The following CNTN5 variants were observed in gnomAD, a reference collection of about 807,000 sequenced individuals.
The protein encoded by CNTN5 is contactin 5, also known as contactin-5.
A neutral mutation model predicts 129.1 loss-of-function variants in CNTN5; 77 were observed. The observed-to-expected ratio is 0.60, with a 90% confidence interval of 0.50 to 0.72. The LOEUF (loss-of-function observed/expected upper bound fraction) is 0.72. Ranked by LOEUF, CNTN5 falls within the 30% of genes least tolerant of loss-of-function variation. The pLI is 0.00. For missense variants in CNTN5, 1,478 were observed against 1,328.8 expected, an observed-to-expected ratio of 1.11 and a Z score of -1.75; for synonymous variants, 509 against 465.6, an observed-to-expected ratio of 1.09 and a Z score of -1.20.
chr11:99,545,866 T>G (rs1948274214), intron 2 of CNTN5, among the ~76,000 whole-genome samples: 1 of 152,190 alleles, frequency 6.6e-6, no homozygotes, highest in African/African-American at 2.4e-5. Flanking sequence ...TGTGAGACAT[T>G]CTCTCCCTGC....
intron 7 of CNTN5, among the ~76,000 whole-genome samples, chr11:99,919,543 T>C (rs1209189514): frequency 6.6e-6 from 1 of 152,172 alleles, no homozygotes; most frequent in East Asian, 1.9e-4. Context: ...AGTCTGTGTG[T>C]TTCTCTCTCT....
intron 2 of CNTN5, among the ~76,000 whole-genome samples, chr11:99,533,329 C>A (rs1299699271): frequency 6.6e-6 from 1 of 152,222 alleles, no homozygotes; most frequent in East Asian, 1.9e-4. Flanking sequence ...CCCTTCCCCA[C>A]CTTTCCTGAT....
chr11:99,433,371 ATGTGT>A (rs761695374), intron 2 of CNTN5, among the ~76,000 whole-genome samples: 24,927 of 140,878 alleles, frequency 0.18, 2,414 homozygotes, highest in Admixed American at 0.23. Flanking sequence ...TAAAAAAAAA[ATGTGT>A]GTGTGTGTGT....
chr11:100,045,742 G>A (rs1342164386), intron 9 of CNTN5, among the ~76,000 whole-genome samples: 1 of 149,158 alleles, frequency 6.7e-6, no homozygotes, highest in African/African-American at 2.5e-5. Context: ...AAAGAGTTCT[G>A]CTAGAAATCT....
chr11:99,822,154 T>C lies in CNTN5; in HGVS notation c.277+2389T>C, dbSNP rs141806875. 2.1e-3 allele frequency among the ~76,000 whole-genome samples: 326 copies of C among 152,260 alleles called. 1 individual carries two copies. Among genetic ancestry groups the C allele is most frequent in the African/African-American group, 7.6e-3 (316 of 41,576 alleles). Reference sequence around the variant, plus strand: ...CCTGAATAGAAAGTCATCCCACTCCTGTTCAGAGTTAAGCCAAGAAGTACC... The same window carrying C: ...CCTGAATAGAAAGTCATCCCACTCCCGTTCAGAGTTAAGCCAAGAAGTACC... On this transcript the variant is annotated intron_variant, in intron 4 of 24. Transcript: ENST00000524871.
chr11:99,718,169 CTCTT>C (rs1811004999), intron 3 of CNTN5, among the ~76,000 whole-genome samples: 1 of 151,034 alleles, frequency 6.6e-6, no homozygotes, highest in African/African-American at 2.4e-5. Context: ...AATAACCTCA[CTCTT>C]TATGATTGTT....
intron 3 of CNTN5, among the ~76,000 whole-genome samples, chr11:99,709,189 C>T (rs1954871128): frequency 6.6e-6 from 1 of 151,892 alleles, no homozygotes; most frequent in Non-Finnish European, 1.5e-5. Context: ...CCTGTGAATT[C>T]CTTTCATGCA....
At chr11:99,443,601 C>A (rs1355396361) in intron 2 of CNTN5, among the ~76,000 whole-genome samples, 1 of 152,116 alleles carries the variant, frequency 6.6e-6, no homozygotes, top group African/African-American at 2.4e-5. Context: ...AGCAATGGCT[C>A]AAATAGAAAT....
At chr11:99,967,439 A>G (rs566531982) in intron 8 of CNTN5, among the ~76,000 whole-genome samples, 93 of 152,238 alleles carry the variant, frequency 6.1e-4, no homozygotes, top group African/African-American at 2.1e-3. Flanking sequence ...GTAGCTTCCA[A>G]TCCAATATGA....
At position 99,112,592 on chromosome 11, in the gene CNTN5, C is replaced by T. The variant is rs139915649; in HGVS notation, c.-210+91322C>T. On this transcript the variant is annotated intron_variant, in intron 1 of 24. Transcript: ENST00000524871. ...TTATAGAGATAATGCATTTGCCACT[C>T]GCCTGAAAGCCTTAAAATCCATGAA... is the stretch of plus-strand genomic sequence containing the variant. Among the ~76,000 whole-genome samples, 5 of 152,008 alleles carry T rather than the reference C, an allele frequency of 3.3e-5. No individual in the cohort carries two copies. The East Asian group carries it at 9.7e-4, about 29-fold the overall frequency.
At chr11:99,932,698 G>A (rs1020178602) in intron 7 of CNTN5, among the ~76,000 whole-genome samples, 1 of 152,094 alleles carries the variant, frequency 6.6e-6, no homozygotes, top group African/African-American at 2.4e-5. Context: ...GATGATATAT[G>A]TAAAGTATTT....
intron 8 of CNTN5, among the ~76,000 whole-genome samples, chr11:99,994,729 T>A (rs1340616851): frequency 1.3e-5 from 2 of 152,210 alleles, no homozygotes; most frequent in Non-Finnish European, 2.9e-5. Context: ...CACAAGAGCA[T>A]TCATAGGTAG....
chr11:99,111,187 G>A lies in CNTN5; in HGVS notation c.-210+89917G>A, dbSNP rs770000300. Reference sequence around the variant, plus strand: ...GTGAAAGCAGAATATTAAAACAAGCGTGGGATCTAAGCAGGTGACTCTGTA... The same window carrying A: ...GTGAAAGCAGAATATTAAAACAAGCATGGGATCTAAGCAGGTGACTCTGTA... On this transcript the variant is annotated intron_variant, in intron 1 of 24. Coordinates refer to ENST00000524871, the MANE Select transcript of CNTN5 (RefSeq NM_014361.4). Among the ~76,000 whole-genome samples, 30 of 152,164 alleles carry A rather than the reference G, an allele frequency of 2.0e-4. 1 individual carries two copies. The highest frequency in any genetic ancestry group is 1.3e-3 in the Admixed American group (20 of 15,268).
At chr11:100,202,211 T>C (rs570369290) in intron 15 of CNTN5, among the ~76,000 whole-genome samples, 1 of 152,106 alleles carries the variant, frequency 6.6e-6, no homozygotes, top group Admixed American at 6.6e-5. Flanking sequence ...TGAACTCCAA[T>C]ACATTATCAT....
intron 1 of CNTN5, among the ~76,000 whole-genome samples, chr11:99,240,435 C>T (rs1185003906): frequency 1.3e-5 from 2 of 152,142 alleles, no homozygotes; most frequent in Admixed American, 1.3e-4. Flanking sequence ...GTCCAAGCTG[C>T]TCTTGGCCAC....
intron 2 of CNTN5, among the ~76,000 whole-genome samples, chr11:99,385,128 C>T (rs937356082): frequency 2.6e-5 from 4 of 152,030 alleles, no homozygotes; most frequent in Admixed American, 1.3e-4. Flanking sequence ...TGTCTTTCCT[C>T]TAGTAGTTAT....
chr11:99,079,226 T>C (rs1320686051), intron 1 of CNTN5, among the ~76,000 whole-genome samples: 2 of 152,106 alleles, frequency 1.3e-5, no homozygotes, highest in Non-Finnish European at 2.9e-5. Flanking sequence ...AAGAGGCAGA[T>C]ATGAAAGACA....
At chr11:99,765,554 AT>A (rs1295955325) in intron 3 of CNTN5, among the ~76,000 whole-genome samples, 2 of 151,568 alleles carry the variant, frequency 1.3e-5, no homozygotes, top group African/African-American at 4.8e-5. Context: ...CCCTTCTTAC[AT>A]TTTATATATT....
Position 99,161,464 on chromosome 11 carries a change from G to A in CNTN5, c.-210+140194G>A, listed in dbSNP as rs185687807. Among the ~76,000 whole-genome samples the A allele has an allele frequency of 1.5e-3, 228 of 151,976 alleles. 1 individual carries two copies. Among genetic ancestry groups the A allele is most frequent in the African/African-American group, 5.1e-3 (212 of 41,440 alleles). ...AGATAAAAGCAGAAGTCACTGAGGG[G>A]TGTTTATAGGAGGCCCTTTAAAAGT... On this transcript the variant is annotated intron_variant, in intron 1 of 24. Coordinates refer to ENST00000524871, the MANE Select transcript of CNTN5 (RefSeq NM_014361.4).
Sources: allele counts gnomAD v4.1 joint callset (sites outside exome capture counted in the v4.1 genomes callset), GRCh38; gene constraint gnomAD v4.1.1; transcripts MANE v1.5; gene names NCBI Gene and HGNC (gene_info 2026-07-23, HGNC 2026-07-21).